Variants in GPHN observed in about 807,000 individuals in gnomAD.
GPHN encodes the protein gephyrin.
In GPHN, 17 loss-of-function variants were observed where a neutral mutation model predicts 95.5. The observed-to-expected ratio is 0.18, with a 90% CI of 0.12 to 0.27. The LOEUF is 0.27. Ranked by LOEUF, GPHN falls within the 10% of genes least tolerant of loss-of-function variation. The probability of loss-of-function intolerance (pLI) is 1.00; values close to 1 mark genes in which losing one functional copy is unlikely to be tolerated. For synonymous variants in GPHN, 320 were observed against 322.5 expected (o/e 0.99, Z 0.08); for missense variants, 660 against 978.1 (o/e 0.67, Z 4.34).
At chr14:66,559,749 T>A (rs2060154356) in intron 1 of GPHN, among the ~76,000 whole-genome samples, 1 of 151,802 alleles carries the variant, frequency 6.6e-6, no homozygotes, top group African/African-American at 2.4e-5. Context: ...TTTAATTAGA[T>A]CCCATTTGTC....
intron 1 of GPHN, among the ~76,000 whole-genome samples, chr14:66,592,581 C>A (rs34162977): frequency 6.6e-6 from 1 of 152,072 alleles, no homozygotes; most frequent in African/African-American, 2.4e-5. Flanking sequence ...TAGAGAAATG[C>A]AAATCAAAAC....
chr14:67,282,774 G>T, the GPHN span, among the ~76,000 whole-genome samples: 1 of 152,022 alleles, frequency 6.6e-6, no homozygotes, highest in East Asian at 1.9e-4. Flanking sequence ...TATTGTCTTT[G>T]TTCTCTTTCA....
the GPHN span, chr14:67,585,533 T>C: frequency 7.3e-7 from 1 of 1,375,892 alleles, no homozygotes; most frequent in East Asian, 2.5e-5. Context: ...TCTCTAACTA[T>C]GGATATATCT....
chr14:66,744,520 T>C (rs1317124334), intron 2 of GPHN, among the ~76,000 whole-genome samples: 2 of 107,740 alleles, frequency 1.9e-5, no homozygotes, highest in African/African-American at 5.9e-5. Context: ...GTCTAATGTT[T>C]AGAGTAAACA....
At chr14:66,647,753 A>G (rs1428742419) in intron 1 of GPHN, among the ~76,000 whole-genome samples, 1 of 152,136 alleles carries the variant, frequency 6.6e-6, no homozygotes, top group African/African-American at 2.4e-5. Flanking sequence ...AGTTGATCAT[A>G]AGTAACTGAA....
the GPHN span, among the ~76,000 whole-genome samples, chr14:67,310,339 C>T: frequency 3.3e-4 from 50 of 152,182 alleles, no homozygotes; most frequent in African/African-American, 1.2e-3. Flanking sequence ...GGTGTGTTAT[C>T]TTAACTATAT....
At position 66,996,883 on chromosome 14, in the gene GPHN, A is replaced by C. The variant is rs568573339; in HGVS notation, c.964-26750A>C. 4.6e-5 allele frequency among the ~76,000 whole-genome samples: 7 copies of C among 151,594 alleles called. No individual in the cohort carries two copies. In the South Asian group the frequency reaches 1.5e-3, roughly 32 times the overall value. ...ATTTGGCCTATTTTCCTTGTCTTTT[A>C]GGAGGTTTAATTTTTTATCCTTACT... is the stretch of plus-strand genomic sequence containing the variant. On this transcript the variant is annotated intron_variant, in intron 9 of 22. Coordinates refer to ENST00000478722, the MANE Select transcript of GPHN (RefSeq NM_020806.5).
At chr14:67,692,678 T>A in the GPHN span, 79 of 1,461,942 alleles carry the variant, frequency 5.4e-5, no homozygotes, top group South Asian at 3.8e-4. Flanking sequence ...AACATTTTTT[T>A]AAAAAACACA....
At chr14:66,851,418 G>A (rs960830751) in intron 4 of GPHN, among the ~76,000 whole-genome samples, 11 of 151,700 alleles carry the variant, frequency 7.3e-5, no homozygotes, top group African/African-American at 2.4e-4. Context: ...GTGTTTTACC[G>A]AACTTTGTAT....
intron 17 of GPHN, among the ~76,000 whole-genome samples, chr14:67,136,591 C>A (rs1479923847): frequency 6.6e-6 from 1 of 152,112 alleles, no homozygotes; most frequent in African/African-American, 2.4e-5. Flanking sequence ...CTCCAAATGT[C>A]CTCATTTTAT....
chr14:67,530,241 A>G, the GPHN span, among the ~76,000 whole-genome samples: 1 of 152,198 alleles, frequency 6.6e-6, no homozygotes, highest in East Asian at 1.9e-4. Context: ...ACAACATACT[A>G]TCTCATTTAA....
chr14:66,779,058 G>T (rs1016372943), intron 3 of GPHN, among the ~76,000 whole-genome samples: 32 of 151,724 alleles, frequency 2.1e-4, no homozygotes, highest in Admixed American at 1.3e-4. Context: ...GGACATTTTT[G>T]AAAAGAAAAA....
intron 4 of GPHN, among the ~76,000 whole-genome samples, chr14:66,878,424 C>T (rs995349942): frequency 6.6e-6 from 1 of 152,088 alleles, no homozygotes; most frequent in Non-Finnish European, 1.5e-5. Flanking sequence ...TCAGAGTGAA[C>T]AGACAACCTA....
chr14:67,121,266 A>G (rs948447375), intron 16 of GPHN, among the ~76,000 whole-genome samples: 7 of 152,168 alleles, frequency 4.6e-5, no homozygotes, highest in Non-Finnish European at 1.0e-4. Context: ...ACTCTTAGGT[A>G]TTTTATAATC....
intron 9 of GPHN, among the ~76,000 whole-genome samples, chr14:66,994,892 C>T (rs2071680364): frequency 6.6e-6 from 1 of 152,094 alleles, no homozygotes; most frequent in South Asian, 2.1e-4. Flanking sequence ...AGCATTATTT[C>T]ATCAGTTCAG....
the GPHN span, among the ~76,000 whole-genome samples, chr14:67,653,754 T>C: frequency 6.6e-6 from 1 of 152,198 alleles, no homozygotes; most frequent in African/African-American, 2.4e-5. Flanking sequence ...GAGCTAATCT[T>C]CTACCGTGGC....
At chr14:67,077,473 C>G (rs1194086830) in intron 11 of GPHN, among the ~76,000 whole-genome samples, 2 of 152,140 alleles carry the variant, frequency 1.3e-5, no homozygotes, top group Non-Finnish European at 2.9e-5. Flanking sequence ...CAAGAAACAT[C>G]TGTATTATCT....
chr14:66,581,332 A>G (rs889515325), intron 1 of GPHN, among the ~76,000 whole-genome samples: 14 of 151,892 alleles, frequency 9.2e-5, no homozygotes, highest in Non-Finnish European at 1.8e-4. Flanking sequence ...CAAAGTTATC[A>G]GCTTAAAATA....
the GPHN span, chr14:67,583,793 C>T: frequency 6.2e-7 from 1 of 1,612,614 alleles, no homozygotes; most frequent in Non-Finnish European, 8.5e-7. Flanking sequence ...GGAGGCACAT[C>T]CCCTGCCAAG....
Sources: allele counts gnomAD v4.1 joint callset (sites outside exome capture counted in the v4.1 genomes callset), GRCh38; gene constraint gnomAD v4.1.1; transcripts MANE v1.5; gene names NCBI Gene and HGNC (gene_info 2026-07-23, HGNC 2026-07-21).